The following PDE1C variants were observed in gnomAD, a reference collection of about 807,000 sequenced individuals.
PDE1C encodes dual specificity calcium/calmodulin-dependent 3',5'-cyclic nucleotide phosphodiesterase 1C.
In PDE1C, 62 loss-of-function variants were observed where a neutral mutation model predicts 93.1. The observed-to-expected ratio is 0.67, with a 90% CI of 0.54 to 0.82. The LOEUF is 0.82. Among genes scored for constraint, PDE1C ranks in the 40% least tolerant of loss-of-function variants. The probability of loss-of-function intolerance (pLI) is 0.00; values close to 1 mark genes in which losing one functional copy is unlikely to be tolerated. For missense variants in PDE1C, 742 were observed against 884.6 expected, an observed-to-expected ratio of 0.84 and a Z score of 2.04; for synonymous variants, 325 against 310.1, an observed-to-expected ratio of 1.05 and a Z score of -0.50.
intron 3 of PDE1C, among the ~76,000 whole-genome samples, chr7:32,087,004 G>A (rs1380812351): frequency 1.3e-5 from 2 of 152,046 alleles, no homozygotes; most frequent in East Asian, 3.9e-4. Context: ...CTTGACAAAT[G>A]GGATCTAATT....
the PDE1C span, among the ~76,000 whole-genome samples, chr7:31,706,521 T>C: frequency 2.0e-5 from 3 of 152,204 alleles, no homozygotes; most frequent in Non-Finnish European, 4.4e-5. Context: ...CAGTACACTT[T>C]CCTTATTTTC....
the PDE1C span, chr7:31,653,036 C>T: frequency 7.6e-7 from 1 of 1,307,868 alleles, no homozygotes; most frequent in Non-Finnish European, 1.0e-6. Flanking sequence ...TAGTATGTGC[C>T]TGGCACAGAG....
chr7:32,208,765 C>T (rs901531533), intron 2 of PDE1C, among the ~76,000 whole-genome samples: 1 of 152,094 alleles, frequency 6.6e-6, no homozygotes, highest in African/African-American at 2.4e-5. Flanking sequence ...CATTAACTTG[C>T]GGGATAATTT....
downstream of PDE1C, among the ~76,000 whole-genome samples, chr7:31,750,270 G>A (rs1046007546): frequency 4.1e-5 from 6 of 145,816 alleles, no homozygotes; most frequent in South Asian, 4.7e-4. Context: ...GGCAAGAGAC[G>A]GCCACAGTAG....
At chr7:31,670,336 C>G in the PDE1C span, among the ~76,000 whole-genome samples, 121 of 152,246 alleles carry the variant, frequency 7.9e-4, no homozygotes, top group Non-Finnish European at 1.3e-3. Flanking sequence ...TTTAGACTTT[C>G]AAATTGGAGT....
intron 1 of PDE1C, among the ~76,000 whole-genome samples, chr7:32,361,280 C>G (rs1453706120): frequency 1.3e-5 from 2 of 152,114 alleles, no homozygotes; most frequent in African/African-American, 2.4e-5. Context: ...GGCAGGATGC[C>G]CTAAGATGTC....
intron 1 of PDE1C, among the ~76,000 whole-genome samples, chr7:32,400,711 G>A (rs930480912): frequency 3.3e-5 from 5 of 152,196 alleles, no homozygotes; most frequent in African/African-American, 7.2e-5. Flanking sequence ...GAATGGCCCC[G>A]ACTGGACTTT....
At chr7:32,318,572 G>T (rs1230352063) in intron 1 of PDE1C, among the ~76,000 whole-genome samples, 1 of 152,176 alleles carries the variant, frequency 6.6e-6, no homozygotes, top group African/African-American at 2.4e-5. Context: ...AAGTGAAAGG[G>T]GACCTGCGAG....
chr7:31,884,461 C>T (rs1797639534), intron 2 of PDE1C, among the ~76,000 whole-genome samples: 1 of 152,138 alleles, frequency 6.6e-6, no homozygotes, highest in South Asian at 2.1e-4. Flanking sequence ...ACTACAAGAA[C>T]TTATTGTTAA....
rs1240118128 is a variant in PDE1C, at chr7:32,128,942, TATATATATATAA to T, written c.308+40831_308+40842del. Among the ~76,000 whole-genome samples, 223 of 78,792 alleles carry T rather than the reference TATATATATATAA, an allele frequency of 2.8e-3. 6 individuals are homozygous for T. Among genetic ancestry groups the T allele is most frequent in the African/African-American group, 0.011 (213 of 18,962 alleles). The allele number at this position is 78,792 out of a possible 152,430, so 51.7% of individuals were successfully genotyped here. A position where few individuals can be genotyped will look rare whatever the true frequency, so the allele number is the denominator to read the frequency against. On this transcript the variant is annotated intron_variant, in intron 3 of 18. Coordinates refer to the PDE1C transcript ENST00000396193. ...ATATATATATATATATATATATATA[TATATATATATAA>T]AGAAAAATCTAAAAAAAACAGAAAA...
intron 3 of PDE1C, among the ~76,000 whole-genome samples, chr7:32,143,101 G>A (rs527698321): frequency 6.6e-6 from 1 of 152,028 alleles, no homozygotes; most frequent in Non-Finnish European, 1.5e-5. Flanking sequence ...GCAGGGCATG[G>A]TCAACAGCAG....
chr7:31,642,640 C>T, the PDE1C span: 2 of 1,564,202 alleles, frequency 1.3e-6, no homozygotes, highest in East Asian at 4.5e-5. Flanking sequence ...TTGCCTCCTC[C>T]ACTTCCTGAC....
the PDE1C span, among the ~76,000 whole-genome samples, chr7:31,683,261 T>G: frequency 2.6e-5 from 4 of 152,326 alleles, no homozygotes; most frequent in African/African-American, 9.6e-5. Flanking sequence ...AAGGGATCTA[T>G]CTCTCTGTAT....
At chr7:32,222,873 C>T (rs1392056649) in intron 1 of PDE1C, among the ~76,000 whole-genome samples, 1 of 152,198 alleles carries the variant, frequency 6.6e-6, no homozygotes, top group Non-Finnish European at 1.5e-5. Context: ...TTTCCCCCTA[C>T]TCGCCCCTCC....
At chr7:31,695,383 T>C in the PDE1C span, 9 of 1,263,040 alleles carry the variant, frequency 7.1e-6, no homozygotes, top group Non-Finnish European at 9.8e-6. Flanking sequence ...TGTCCTGTCA[T>C]CAAGTGCAAT....
rs115937857 is a variant in PDE1C, at chr7:32,382,578, C to T, written c.310+45244G>A. Among the ~76,000 whole-genome samples the T allele has an allele frequency of 1.4e-3, 208 of 152,260 alleles. 3 individuals are homozygous for T. Among genetic ancestry groups the T allele is most frequent in the African/African-American group, 4.7e-3 (197 of 41,542 alleles). On this transcript the variant is annotated intron_variant, in intron 1 of 1. Transcript: ENST00000672256. ...AGCTCAGTCTGCTCATCCCTTGGAA[C>T]ACGGCTGGCAGCTAGATAACTGCCT...
chr7:31,868,148 G>A (rs1159534718), intron 6 of PDE1C, among the ~76,000 whole-genome samples: 1 of 152,146 alleles, frequency 6.6e-6, no homozygotes, highest in Non-Finnish European at 1.5e-5. Context: ...ATAAAGCAAG[G>A]AAATATGACA....
At chr7:32,079,688 C>T (rs1336582147) in intron 3 of PDE1C, among the ~76,000 whole-genome samples, 3 of 152,208 alleles carry the variant, frequency 2.0e-5, no homozygotes, top group Non-Finnish European at 2.9e-5. Flanking sequence ...GTGGTCTCAG[C>T]ATGTAGCTAA....
chr7:32,311,714 C>CT (rs1207962573), intron 1 of PDE1C, among the ~76,000 whole-genome samples: 6 of 152,036 alleles, frequency 3.9e-5, no homozygotes, highest in African/African-American at 1.4e-4. Flanking sequence ...ACCCTTCATG[C>CT]TAAAAACTCT....
Sources: gnomAD v4.1 joint callset for allele counts (sites outside exome capture counted in the v4.1 genomes callset) on GRCh38, gnomAD v4.1.1 for gene constraint, MANE v1.5 for transcripts, NCBI Gene and HGNC (gene_info 2026-07-23, HGNC 2026-07-21) for gene names.